ATAD3C: variants seen among roughly 807,000 people sequenced by gnomAD.
ATAD3C encodes the protein ATPase family AAA domain containing 3C.
In ATAD3C, 38 loss-of-function variants were observed where a neutral mutation model predicts 46.3. That is an observed-to-expected ratio of 0.82 (90% confidence interval 0.63 to 1.08). ATAD3C has a LOEUF of 1.08. Ranked by LOEUF, ATAD3C falls within the 50% of genes least tolerant of loss-of-function variation. The pLI, the probability that ATAD3C is intolerant of heterozygous loss-of-function variation, is 0.00. For synonymous variants in ATAD3C, 220 were observed against 236.4 expected, an observed-to-expected ratio of 0.93 and a Z score of 0.63; for missense variants, 563 against 572.7, an observed-to-expected ratio of 0.98 and a Z score of 0.17.
intron 10 of ATAD3C, 37 bp downstream of exon 10, chr1:1,460,954 C>T: frequency 6.4e-7 from 1 of 1,572,644 alleles, no homozygotes; most frequent in East Asian, 2.3e-5. Context: ...GTCCAGGGGC[C>T]CTCGCTCAGG....
chr1:1,451,279 G>A (rs1475383594), intron 1 of ATAD3C, among the ~76,000 whole-genome samples: 2 of 151,674 alleles, frequency 1.3e-5, no homozygotes, highest in South Asian at 2.1e-4. Context: ...CCTGATCTCC[G>A]CCTGCCTCAG....
rs1187623220 is a variant in ATAD3C, at chr1:1,462,212, C to T, written c.981-388C>T. ...GGGTCTCAGTTTCCCTATGCCCTCCCCTTCCCTGGGCTCCCCGACACCCAT... is the reference window on the plus strand; with the variant it reads ...GGGTCTCAGTTTCCCTATGCCCTCCTCTTCCCTGGGCTCCCCGACACCCAT... On this transcript the variant is annotated intron_variant, in intron 10 of 11. Coordinates refer to ENST00000378785, the MANE Select transcript of ATAD3C (RefSeq NM_001039211.3). The surrounding 1 kb of genome is among the most constrained non-coding windows in gnomAD (Gnocchi z 4.5). 6.6e-6 allele frequency among the ~76,000 whole-genome samples: 1 copy of T among 152,070 alleles called. No individual in the cohort carries two copies. The highest frequency in any genetic ancestry group is 2.4e-5 in the African/African-American group (1 of 41,430).
chr1:1,461,046 C>A (rs374461354), intron 10 of ATAD3C, 129 bp downstream of exon 10: 1 of 1,223,096 alleles, frequency 8.2e-7, no homozygotes, highest in Non-Finnish European at 1.1e-6. Flanking sequence ...CCTGCGGTTT[C>A]GTGCAGGAGC....
In ATAD3C at chr1:1,462,685, G is replaced by T. The variant is rs201934248; in HGVS notation, c.1066G>T (p.Ala356Ser). ...AGAGGGCATGTCATGCCGGAAGATC[G>T]CACAGCTGGCCGTGTCCTGGCAGGT... ...LTEGMSCRKI[A>S]QLAVSWQATA... Residue 356 changes from alanine to serine, a missense_variant, in exon 11 of 12, where the codon GCA (alanine) becomes TCA (serine). Ala to Ser is a moderately conservative substitution (Grantham distance 99, BLOSUM62 1). Around this residue, in one of 3 missense-constraint regions of ATAD3C, gnomAD observed 273 missense variants for 253.5 expected, o/e 1.08. Transcript: ENST00000378785. The surrounding 1 kb of genome is among the most constrained non-coding windows in gnomAD (Gnocchi z 4.5). 3 of 1,604,694 alleles carry T rather than the reference G, an allele frequency of 1.9e-6. No individual in the cohort carries two copies. The East Asian group carries it at 6.7e-5, about 36-fold the overall frequency.
In ATAD3C at chr1:1,450,698, C is replaced by A; in HGVS notation, c.15C>A (p.Ala5=). MSKD[A]LNLAQMQEQT... is the part of the protein sequence containing the mutation. ...ATCTGCAGGCCATGTCAAAGGACGC[C>A]CTGAATCTGGCGCAGATGCAGGAGC... The change falls in exon 1 of 12, where the codon GCC becomes GCA. Residue 5 remains alanine (A), a synonymous_variant. Transcript: ENST00000378785. 6.2e-7 allele frequency: 1 copy of A among 1,613,034 alleles called. No individual in the cohort carries two copies. Among genetic ancestry groups the A allele is most frequent in the African/African-American group, 1.3e-5 (1 of 75,040 alleles).
In ATAD3C at chr1:1,459,606, G is replaced by A. The variant is rs555027888; in HGVS notation, c.812+375G>A. Among the ~76,000 whole-genome samples, 12 of 151,750 alleles carry A rather than the reference G, an allele frequency of 7.9e-5. No homozygotes were observed. In the South Asian group the frequency reaches 2.5e-3, roughly 32 times the overall value. On this transcript the variant is annotated intron_variant, in intron 9 of 11. Coordinates refer to ENST00000378785, the MANE Select transcript of ATAD3C (RefSeq NM_001039211.3). This position sits in a 1 kb window ranked among gnomAD's most constrained non-coding sequence, Gnocchi z 4.9. ...GTGTGTGTGCCCTGGGGTGGGAGAT[G>A]GAGACAAGTTTGCTCCCACGGGAAG...
At chr1:1,457,377 G>A (rs538400833) in intron 8 of ATAD3C, among the ~76,000 whole-genome samples, 197 bp downstream of exon 8, 5 of 151,816 alleles carry the variant, frequency 3.3e-5, no homozygotes, top group South Asian at 2.1e-4. Flanking sequence ...AGTGGATCAC[G>A]AGGTCAGGAG....
At position 1,450,701 on chromosome 1, in the gene ATAD3C, G is replaced by A. The variant is rs769190501; in HGVS notation, c.18G>A (p.Leu6=). 42 of 1,613,064 alleles carry A rather than the reference G, an allele frequency of 2.6e-5. 1 individual carries two copies. In the African/African-American group the frequency reaches 5.5e-4, roughly 21 times the overall value. Residue 6 remains leucine, a synonymous_variant, in exon 1 of 12, where the codon CTG becomes CTA. Coordinates refer to ENST00000378785, the MANE Select transcript of ATAD3C (RefSeq NM_001039211.3). ...TGCAGGCCATGTCAAAGGACGCCCT[G>A]AATCTGGCGCAGATGCAGGAGCAGA... MSKDA[L]NLAQMQEQTL...
Position 1,449,861 on chromosome 1 carries a change from C to G in ATAD3C, c.-823C>G, listed in dbSNP as rs1297172298. On this transcript the variant is annotated 5_prime_UTR_variant, in exon 1 of 12. Coordinates refer to ENST00000378785, the MANE Select transcript of ATAD3C (RefSeq NM_001039211.3). ...ATACGTACTTCTGTCCCAGGTCACC[C>G]AAACATTGACCTGTGTCGGTTCCCC... 6.6e-6 allele frequency: 1 copy of G among 152,064 alleles called. No homozygotes were observed. The highest frequency in any genetic ancestry group is 2.4e-5 in the African/African-American group (1 of 41,444). 9.4% of individuals were successfully genotyped at this position (152,064 alleles called of 1,614,324 possible).
Position 1,466,150 on chromosome 1 carries a change from G to T in ATAD3C, c.1090-2234G>T, listed in dbSNP as rs1025165292. Among the ~76,000 whole-genome samples the T allele has an allele frequency of 3.0e-4, 45 of 151,080 alleles. 2 individuals are homozygous for T. Among genetic ancestry groups the T allele is most frequent in the Non-Finnish European group, 2.9e-5 (2 of 67,840 alleles). ...CCAGCTACTTGGGAAGCTGAGGCAG[G>T]AGAATCGCATGAATGCGGCAAGCAG... On this transcript the variant is annotated intron_variant, in intron 11 of 11. Transcript: ENST00000378785.
intron 1 of ATAD3C, among the ~76,000 whole-genome samples, chr1:1,451,597 C>T (rs968926931): frequency 2.6e-5 from 4 of 152,094 alleles, no homozygotes; most frequent in Admixed American, 6.6e-5. Context: ...TCACCTGCGT[C>T]GGCCTCCCAA....
At chr1:1,453,481 T>G (rs187150279) in intron 3 of ATAD3C, among the ~76,000 whole-genome samples, 12 of 151,624 alleles carry the variant, frequency 7.9e-5, no homozygotes, top group Admixed American at 7.2e-4. Flanking sequence ...TGATTACAGG[T>G]GTGTACCACC....
intron 11 of ATAD3C, among the ~76,000 whole-genome samples, chr1:1,467,739 A>G (rs1476424830): frequency 1.3e-5 from 2 of 152,012 alleles, no homozygotes; most frequent in Non-Finnish European, 2.9e-5. Flanking sequence ...ACCCTGACCC[A>G]TGGGTGCCTC....
chr1:1,462,089 T>C lies in ATAD3C; in HGVS notation c.981-511T>C, dbSNP rs189224368. ...GTGCACCTGACCCAAATCCCTGCTG[T>C]CGCCAGTGACGACAAAAGCTGCTCT... On this transcript the variant is annotated intron_variant, in intron 10 of 11. Transcript: ENST00000378785. The surrounding 1 kb of genome is among the most constrained non-coding windows in gnomAD (Gnocchi z 4.5). Among the ~76,000 whole-genome samples the C allele has an allele frequency of 3.7e-3, 565 of 152,160 alleles. 9 individuals are homozygous for C. Among genetic ancestry groups the C allele is most frequent in the Non-Finnish European group, 4.9e-3 (332 of 67,948 alleles).
intron 1 of ATAD3C, 54 bp from the exon 2 acceptor site, chr1:1,451,992 T>A (rs1557775906): frequency 1.2e-6 from 2 of 1,604,016 alleles, no homozygotes; most frequent in East Asian, 4.5e-5. Context: ...GGATTGGTGT[T>A]GAGCATTTTT....
At chr1:1,463,371 A>G (rs1570157775) in intron 11 of ATAD3C, among the ~76,000 whole-genome samples, 1 of 152,246 alleles carries the variant, frequency 6.6e-6, no homozygotes, top group East Asian at 1.9e-4. Flanking sequence ...TGGGGTCCAC[A>G]GAGTCTGTGT....
Position 1,468,486 on chromosome 1 carries a change from A to G in ATAD3C, c.1192A>G (p.Lys398Glu), listed in dbSNP as rs1324429681. The G allele has an allele frequency of 6.2e-7, 1 of 1,612,048 alleles. No individual in the cohort carries two copies. The highest frequency in any genetic ancestry group is 1.1e-5 in the South Asian group (1 of 90,820). Reference sequence around the variant, plus strand: ...GCACCAGCAGATGATGCGCTGGCTGAAGGGGGAGAGGCCTGGGCCCGAGGA... The same window carrying G: ...GCACCAGCAGATGATGCGCTGGCTGGAGGGGGAGAGGCCTGGGCCCGAGGA... ...QQHQQMMRWL[K>E]GERPGPEDEQ... The change falls in exon 12 of 12, where the codon AAG becomes GAG. Residue 398 changes from lysine to glutamate, a missense_variant. Lys to Glu is a moderately conservative substitution (Grantham distance 56). This residue lies in a region of ATAD3C where 273 missense variants were observed against 253.5 expected (regional missense o/e 1.08). Coordinates refer to ENST00000378785, the MANE Select transcript of ATAD3C (RefSeq NM_001039211.3).
Position 1,459,879 on chromosome 1 carries a change from T to G in ATAD3C, c.812+648T>G, listed in dbSNP as rs1039933422. On this transcript the variant is annotated intron_variant, in intron 9 of 11. Coordinates refer to ENST00000378785, the MANE Select transcript of ATAD3C (RefSeq NM_001039211.3). This position sits in a 1 kb window ranked among gnomAD's most constrained non-coding sequence, Gnocchi z 4.9. ...CCTCCAGCCCCAGTCACGTGTCACA[T>G]GGAGGATCAAGTCCTGCTGGTCGGC... Among the ~76,000 whole-genome samples, 2 of 151,916 alleles carry G rather than the reference T, an allele frequency of 1.3e-5. No homozygotes were observed. Among genetic ancestry groups the G allele is most frequent in the South Asian group, 4.2e-4 (2 of 4,808 alleles).
rs1160632801 is a variant in ATAD3C, at chr1:1,456,013, C to T, written c.564+97C>T. On this transcript the variant is annotated intron_variant, in intron 6 of 11. Transcript: ENST00000378785. ...CTCAGCTGCCTGGGGAATGGACCCC[C>T]CTTAGGCCTTTGCCCACCCTCGTGT... 2.7e-5 allele frequency: 42 copies of T among 1,570,744 alleles called. 1 individual carries two copies. Among genetic ancestry groups the T allele is most frequent in the Non-Finnish European group, 3.3e-5 (38 of 1,164,382 alleles).
Sources: allele counts gnomAD v4.1 joint callset (sites outside exome capture counted in the v4.1 genomes callset), GRCh38; gene constraint gnomAD v4.1.1; regional missense constraint gnomAD v4.1.1; non-coding constraint Gnocchi (gnomAD v3.1); transcripts MANE v1.5; gene names NCBI Gene and HGNC (gene_info 2026-07-23, HGNC 2026-07-21).